ANO3: variants seen among roughly 807,000 people sequenced by gnomAD.
ANO3 encodes the protein anoctamin 3.
Under a neutral mutation model 144.8 loss-of-function variants are expected in ANO3, and 99 were observed. That is an observed-to-expected ratio of 0.68 (90% CI 0.58 to 0.81). The LOEUF (loss-of-function observed/expected upper bound fraction) is 0.81. Among genes scored for constraint, ANO3 ranks in the 30% least tolerant of loss-of-function variants. ANO3 has a pLI of 0.00. For synonymous variants in ANO3, 414 were observed against 392.6 expected (o/e 1.05, Z -0.64); for missense variants, 905 against 1,202.2 (o/e 0.75, Z 3.66).
chr11:26,356,874 T>G (rs1251630119), intron 1 of ANO3, among the ~76,000 whole-genome samples: 1 of 152,170 alleles, frequency 6.6e-6, no homozygotes, highest in Non-Finnish European at 1.5e-5. Flanking sequence ...AATTCCTGCT[T>G]CTGTTACCAA....
intron 10 of ANO3, among the ~76,000 whole-genome samples, chr11:26,540,147 G>A (rs1228463555): frequency 1.3e-5 from 2 of 151,856 alleles, no homozygotes; most frequent in Non-Finnish European, 2.9e-5. Context: ...ATTTTTGAAA[G>A]AGGATATACA....
At position 26,332,392 on chromosome 11, in the gene ANO3, G is replaced by A. The variant is rs987555895; in HGVS notation, c.46+71G>A. 1.3e-5 allele frequency: 20 copies of A among 1,488,418 alleles called. No homozygotes were observed. In the Admixed American group the frequency reaches 3.4e-4, roughly 25 times the overall value. The allele number at this position is 1,488,418 out of a possible 1,614,324, so 92.2% of individuals were successfully genotyped here. A position where few individuals can be genotyped will look rare whatever the true frequency, so the allele number is the denominator to read the frequency against. On this transcript the variant is annotated intron_variant, in intron 1 of 26. Transcript: ENST00000256737. ...CCCTGCATGCCCTTGCAGTTGTGTA[G>A]GAGCATCCTTTGCAGGCTTATGCGA...
At chr11:26,342,092 T>C (rs1360674272) in intron 1 of ANO3, among the ~76,000 whole-genome samples, 1 of 152,026 alleles carries the variant, frequency 6.6e-6, no homozygotes, top group African/African-American at 2.4e-5. Flanking sequence ...ATATTAACCA[T>C]CAAAACAGAT....
intron 1 of ANO3, among the ~76,000 whole-genome samples, chr11:26,383,888 C>CTTTTTTTTTTTTTTTTTTTTTTTTTTTTT (rs61094091): frequency 1.4e-5 from 1 of 70,172 alleles, no homozygotes; most frequent in Admixed American, 2.3e-4. Context: ...ATGCATTGTT[C>CTTTTTTTTTTTTTTTTTTTTTTTTTTTTT]TTTTTTTTTT....
chr11:26,651,350 A>G (rs1045221151), intron 24 of ANO3, among the ~76,000 whole-genome samples: 8 of 152,234 alleles, frequency 5.3e-5, no homozygotes, highest in African/African-American at 1.4e-4. Context: ...CGGAATGTCA[A>G]TGAAAAATAT....
intron 23 of ANO3, among the ~76,000 whole-genome samples, chr11:26,645,674 G>A (rs1006115828): frequency 8.2e-4 from 124 of 152,130 alleles, no homozygotes; most frequent in African/African-American, 2.8e-3. Context: ...TATAGACACA[G>A]AAGGGGAACA....
chr11:26,272,548 A>T (rs1853464962), intron 1 of ANO3, among the ~76,000 whole-genome samples: 1 of 152,178 alleles, frequency 6.6e-6, no homozygotes, highest in Non-Finnish European at 1.5e-5. Flanking sequence ...GACAATTTAA[A>T]GTAAAAGGGA....
intron 1 of ANO3, among the ~76,000 whole-genome samples, chr11:26,323,396 C>G (rs1317074169): frequency 6.6e-6 from 1 of 152,104 alleles, no homozygotes; most frequent in Non-Finnish European, 1.5e-5. Context: ...TTTCTGACCA[C>G]TGGAATCCTT....
chr11:26,497,025 GAC>G (rs10597733), intron 4 of ANO3, among the ~76,000 whole-genome samples: 85,889 of 142,628 alleles, frequency 0.6, 26,628 homozygotes, highest in East Asian at 0.78. Context: ...CATATATACA[GAC>G]ACACACACAC....
At chr11:26,608,514 C>A (rs1225352897) in intron 17 of ANO3, among the ~76,000 whole-genome samples, 1 of 152,152 alleles carries the variant, frequency 6.6e-6, no homozygotes, top group Non-Finnish European at 1.5e-5. Flanking sequence ...GTCTTCTCGG[C>A]TGCCTGGATT....
At chr11:26,210,518 A>T (rs1851909826) in intron 1 of ANO3, among the ~76,000 whole-genome samples, 1 of 152,206 alleles carries the variant, frequency 6.6e-6, no homozygotes. Flanking sequence ...AATTCTGTGA[A>T]GAAAGTGAAT....
At chr11:26,215,144 C>T (rs146764637) in intron 1 of ANO3, among the ~76,000 whole-genome samples, 2,448 of 151,906 alleles carry the variant, frequency 0.016, 29 homozygotes, top group Middle Eastern at 0.037. Context: ...TTTTTCTTCC[C>T]CTTACCATAC....
intron 14 of ANO3, among the ~76,000 whole-genome samples, chr11:26,594,302 G>A (rs147288146): frequency 6.6e-6 from 1 of 152,290 alleles, no homozygotes; most frequent in East Asian, 1.9e-4. Flanking sequence ...TCTTTCCTCT[G>A]TTGTCATCCT....
intron 1 of ANO3, among the ~76,000 whole-genome samples, chr11:26,206,643 T>A (rs1264053726): frequency 2.6e-5 from 4 of 152,184 alleles, no homozygotes; most frequent in African/African-American, 9.6e-5. Context: ...GACAAATTAA[T>A]CAGAGTATTC....
intron 1 of ANO3, among the ~76,000 whole-genome samples, chr11:26,270,503 T>C (rs1853416313): frequency 6.6e-6 from 1 of 152,204 alleles, no homozygotes; most frequent in Non-Finnish European, 1.5e-5. Context: ...TCTCTCTCTT[T>C]TTACATTTAA....
intron 8 of ANO3, among the ~76,000 whole-genome samples, chr11:26,533,315 A>G (rs1849420688): frequency 6.6e-6 from 1 of 152,178 alleles, no homozygotes; most frequent in South Asian, 2.1e-4. Flanking sequence ...GCAAAATCTA[A>G]AGAAAAAGAA....
chr11:26,251,122 C>T (rs1852918516), intron 1 of ANO3, among the ~76,000 whole-genome samples: 1 of 152,206 alleles, frequency 6.6e-6, no homozygotes, highest in African/African-American at 2.4e-5. Flanking sequence ...ATTGCTTTCA[C>T]ACCATTGCAA....
intron 3 of ANO3, among the ~76,000 whole-genome samples, chr11:26,449,809 T>G (rs978934492): frequency 1.3e-5 from 2 of 151,778 alleles, no homozygotes; most frequent in African/African-American, 2.4e-5. Context: ...GCTGGAGGAG[T>G]GCAGTGGCAC....
At chr11:26,568,730 C>T (rs1419217419) in intron 14 of ANO3, among the ~76,000 whole-genome samples, 1 of 151,926 alleles carries the variant, frequency 6.6e-6, no homozygotes, top group Non-Finnish European at 1.5e-5. Context: ...CTGTAGTTGA[C>T]CAATATTTAC....
Sources: gnomAD v4.1 joint callset for allele counts (sites outside exome capture counted in the v4.1 genomes callset) on GRCh38, gnomAD v4.1.1 for gene constraint, MANE v1.5 for transcripts, NCBI Gene and HGNC (gene_info 2026-07-23, HGNC 2026-07-21) for gene names.